MUC5AC: variants seen among roughly 807,000 people sequenced by gnomAD.
The protein encoded by MUC5AC is mucin-5AC.
In MUC5AC, 158 loss-of-function variants were observed where a neutral mutation model predicts 169.7. That is an observed-to-expected ratio of 0.93 (90% CI 0.82 to 1.06). The LOEUF (loss-of-function observed/expected upper bound fraction) is 1.06. Among genes scored for constraint, MUC5AC ranks in the 50% least tolerant of loss-of-function variants. The pLI, the probability that MUC5AC is intolerant of heterozygous loss-of-function variation, is 0.00. For synonymous variants in MUC5AC, 1,975 were observed against 1,237.0 expected, an observed-to-expected ratio of 1.60 and a Z score of -12.52; for missense variants, 4,359 against 3,089.9, an observed-to-expected ratio of 1.41 and a Z score of -9.74.
In MUC5AC at chr11:1,198,312, G is replaced by T; in HGVS notation, c.16173+7G>T. 1 of 749,000 alleles carries T rather than the reference G, an allele frequency of 1.3e-6. No individual in the cohort carries two copies. The highest frequency in any genetic ancestry group is 2.4e-6 in the Non-Finnish European group (1 of 410,490). 46.4% of individuals were successfully genotyped at this position (749,000 alleles called of 1,614,324 possible). Reference sequence around the variant, plus strand: ...CAACGGGACCCTGTACCAGGTAAGAGCCACGGAGCTCAGACCCCCTCAGCC... The same window carrying T: ...CAACGGGACCCTGTACCAGGTAAGATCCACGGAGCTCAGACCCCCTCAGCC... On this transcript the variant is annotated splice_region_variant and intron_variant, in intron 43 of 48. Transcript: ENST00000621226.
Position 1,201,021 on chromosome 11 carries a change from A to T in MUC5AC, c.*319A>T, listed in dbSNP as rs1861416403. ...TCAGGAATGACGCTTGGACATGGTG[A>T]TCAGCTGCCTGGTGGCTGCAGGAGG... On this transcript the variant is annotated 3_prime_UTR_variant, in exon 49 of 49. Transcript: ENST00000621226. The T allele has an allele frequency of 7.6e-6, 2 of 263,390 alleles. No individual in the cohort carries two copies. The highest frequency in any genetic ancestry group is 4.4e-5 in the African/African-American group (2 of 45,918). The allele number at this position is 263,390 out of a possible 1,614,324, so 16.3% of individuals were successfully genotyped here. A position where few individuals can be genotyped will look rare whatever the true frequency, so the allele number is the denominator to read the frequency against.
Position 1,192,142 on chromosome 11 carries a change from G to T in MUC5AC, c.13997G>T (p.Arg4666Leu). ...ATCAGGAGTGGGGAAAAAATCTGCC[G>T]CCGACCTGAGGAGATCACCAGGCTC... ...NIIRSGEKIC[R>L]RPEEITRLQC... is the part of the protein sequence containing the mutation. Residue 4666 changes from arginine to leucine, a missense_variant, in exon 31 of 49, where the codon CGC becomes CTC. By Grantham distance (102) the Arg-to-Leu change is moderately radical (BLOSUM62 -2). Transcript: ENST00000621226. The T allele has an allele frequency of 1.3e-6, 1 of 765,040 alleles. No homozygotes were observed. Among genetic ancestry groups the T allele is most frequent in the East Asian group, 2.4e-5 (1 of 41,254 alleles). The allele number at this position is 765,040 out of a possible 1,614,324, so 47.4% of individuals were successfully genotyped here. A position where few individuals can be genotyped will look rare whatever the true frequency, so the allele number is the denominator to read the frequency against.
At chr11:1,196,963 A>G (rs1861293725) in intron 40 of MUC5AC, 55 bp downstream of exon 40, 5 of 737,276 alleles carry the variant, frequency 6.8e-6, no homozygotes, top group Non-Finnish European at 1.2e-5. Context: ...CCGAGGAGGG[A>G]GGCTCTTGAA....
intron 32 of MUC5AC, 42 bp from the exon 33 acceptor site, chr11:1,193,443 A>T (rs1325427840): frequency 1.5e-6 from 1 of 683,996 alleles, no homozygotes; most frequent in South Asian, 1.5e-5. Flanking sequence ...TGCCCCGGAG[A>T]TCGGGAGAGG....
rs1386844980 is a variant in MUC5AC, at chr11:1,189,833, C to T, written c.11688C>T (p.Ser3896=). 4.8e-5 allele frequency: 36 copies of T among 755,608 alleles called. No individual in the cohort carries two copies. Among genetic ancestry groups the T allele is most frequent in the South Asian group, 1.4e-4 (10 of 73,554 alleles). The allele number at this position is 755,608 out of a possible 1,614,324, so 46.8% of individuals were successfully genotyped here. The change falls in exon 31 of 49, where the codon AGC becomes AGT. Residue 3896 remains serine (S), a synonymous_variant. Transcript: ENST00000621226. ...STTSPPTSST[S]STPQTSKTSA... ...CCTCTCCCCCTACAAGCAGCACAAG[C>T]TCCACTCCACAGACCAGCAAAACCT...
chr11:1,193,864 G>A (rs1429675131), intron 33 of MUC5AC, among the ~76,000 whole-genome samples: 3 of 152,238 alleles, frequency 2.0e-5, no homozygotes, highest in African/African-American at 2.4e-5. Context: ...TGTGAGCCTC[G>A]GAGCAGCCTG....
At chr11:1,158,582 G>C (rs946152865) in intron 1 of MUC5AC, among the ~76,000 whole-genome samples, 1 of 152,308 alleles carries the variant, frequency 6.6e-6, no homozygotes, top group Non-Finnish European at 1.5e-5. Flanking sequence ...CAAGGGAACT[G>C]TTTCACCCCC....
intron 5 of MUC5AC, 96 bp from the exon 6 acceptor site, chr11:1,162,859 G>T: frequency 7.8e-7 from 1 of 1,276,202 alleles, no homozygotes; most frequent in Non-Finnish European, 1.1e-6. Context: ...TGTCTCTTCC[G>T]TGGGCCTCGG....
rs368282942 is a variant in MUC5AC, at chr11:1,161,930, C to A, written c.235C>A (p.Arg79=). 3 of 1,611,856 alleles carry A rather than the reference C, an allele frequency of 1.9e-6. No individual in the cohort carries two copies. Among genetic ancestry groups the A allele is most frequent in the Non-Finnish European group, 2.5e-6 (3 of 1,179,570 alleles). ...VRASNPAHNG[R]VCSTWGSFHY... ...AGCCTCCAACCCGGCGCACAACGGG[C>A]GGGTGTGCAGCACCTGGGGCAGCTT... Residue 79 remains arginine (R), a synonymous_variant, in exon 4 of 49, where the codon CGG becomes AGG. Coordinates refer to ENST00000621226, the MANE Select transcript of MUC5AC (RefSeq NM_001304359.2).
Position 1,197,591 on chromosome 11 carries a change from G to C in MUC5AC, c.15985G>C (p.Val5329Leu). Residue 5329 changes from valine to leucine, a missense_variant, in exon 41 of 49, where the codon GTG becomes CTG. Physicochemically the swap from Val to Leu is conservative, Grantham distance 32. Coordinates refer to ENST00000621226, the MANE Select transcript of MUC5AC (RefSeq NM_001304359.2). Reference protein sequence around the residue: ...PACPLPGFVPVPAAPQAGQCC... With the variant: ...PACPLPGFVPLPAAPQAGQCC... The stretch of plus-strand genomic sequence containing the variant: ...CTGCCCCCTGCCCGGCTTCGTGCCT[G>C]TGCCTGCAGCCCCACAGGCCGGCCA... 1.4e-6 allele frequency: 1 copy of C among 726,222 alleles called. No individual in the cohort carries two copies. Among genetic ancestry groups the C allele is most frequent in the Non-Finnish European group, 2.5e-6 (1 of 399,354 alleles). The allele number at this position is 726,222 out of a possible 1,614,324, so 45.0% of individuals were successfully genotyped here. A position where few individuals can be genotyped will look rare whatever the true frequency, so the allele number is the denominator to read the frequency against.
intron 2 of MUC5AC, among the ~76,000 whole-genome samples, chr11:1,161,230 C>T (rs1860131670): frequency 2.6e-5 from 4 of 152,212 alleles, no homozygotes; most frequent in Admixed American, 2.0e-4. Flanking sequence ...TCTTGAGCCG[C>T]TGATGCAGAC....
At position 1,192,530 on chromosome 11, in the gene MUC5AC, G is replaced by A. The variant is rs760143958; in HGVS notation, c.14380+5G>A. 32 of 763,570 alleles carry A rather than the reference G, an allele frequency of 4.2e-5. No individual in the cohort carries two copies. Among genetic ancestry groups the A allele is most frequent in the South Asian group, 3.6e-4 (27 of 74,582 alleles). 47.3% of individuals were successfully genotyped at this position (763,570 alleles called of 1,614,324 possible). On this transcript the variant is annotated splice_donor_5th_base_variant and intron_variant, in intron 31 of 48. Coordinates refer to ENST00000621226, the MANE Select transcript of MUC5AC (RefSeq NM_001304359.2). ...CTGACCGGCTCTACCCTGCAGGTTC[G>A]TGAGTGTTTCTGGTGCAATTGTTTC... is the stretch of plus-strand genomic sequence containing the variant.
At position 1,188,753 on chromosome 11, in the gene MUC5AC, C is replaced by A; in HGVS notation, c.10608C>A (p.Ser3536=). 2.6e-6 allele frequency: 2 copies of A among 760,002 alleles called. No individual in the cohort carries two copies. The highest frequency in any genetic ancestry group is 4.8e-6 in the Non-Finnish European group (2 of 414,758). 47.1% of individuals were successfully genotyped at this position (760,002 alleles called of 1,614,324 possible). The change falls in exon 31 of 49, where the codon TCC becomes TCA. Residue 3536 remains serine, a synonymous_variant. Coordinates refer to ENST00000621226, the MANE Select transcript of MUC5AC (RefSeq NM_001304359.2). ...AATGGTTTGATGTGGACTTTCCATC[C>A]CCTGGACCCCACGGTGGGGACAAGG... ...WTKWFDVDFP[S]PGPHGGDKET...
chr11:1,164,219 C>T lies in MUC5AC; in HGVS notation c.903C>T (p.Thr301=), dbSNP rs759599383. ...CRQDLCFCED[T]DLLSCVCHTL... Reference sequence around the variant, plus strand: ...AAGACCTCTGCTTCTGTGAAGACACCGACCTGCTCAGCTGCGTCTGCCACA... The same window carrying T: ...AAGACCTCTGCTTCTGTGAAGACACTGACCTGCTCAGCTGCGTCTGCCACA... Residue 301 remains threonine (T), a synonymous_variant, in exon 8 of 49, where the codon ACC becomes ACT. Coordinates refer to ENST00000621226, the MANE Select transcript of MUC5AC (RefSeq NM_001304359.2). 19 of 1,612,522 alleles carry T rather than the reference C, an allele frequency of 1.2e-5. 1 individual carries two copies. The highest frequency in any genetic ancestry group is 1.6e-4 in the Middle Eastern group (1 of 6,084).
chr11:1,164,275 A>T lies in MUC5AC; in HGVS notation c.959A>T (p.His320Leu), dbSNP rs1289416898. ...GCCGAGTACTCCCGGCAGTGCACCC[A>T]TGCAGGGGGGTTGCCCCAGGACTGG... Reference protein sequence around the residue: ...TLAEYSRQCTHAGGLPQDWRG... With the variant: ...TLAEYSRQCTLAGGLPQDWRG... Residue 320 changes from histidine to leucine, a missense_variant, in exon 8 of 49, where the codon CAT becomes CTT. By Grantham distance (99) the His-to-Leu change is moderately conservative (BLOSUM62 -3). Coordinates refer to ENST00000621226, the MANE Select transcript of MUC5AC (RefSeq NM_001304359.2). The T allele has an allele frequency of 6.2e-7, 1 of 1,612,564 alleles. No individual in the cohort carries two copies. Among genetic ancestry groups the T allele is most frequent in the Non-Finnish European group, 8.5e-7 (1 of 1,179,852 alleles).
chr11:1,188,759 A>G lies in MUC5AC; in HGVS notation c.10614A>G (p.Gly3538=), dbSNP rs1242987225. ...TTGATGTGGACTTTCCATCCCCTGGACCCCACGGTGGGGACAAGGAAACCT... is the reference window on the plus strand; with the variant it reads ...TTGATGTGGACTTTCCATCCCCTGGGCCCCACGGTGGGGACAAGGAAACCT... ...KWFDVDFPSP[G]PHGGDKETYN... The change falls in exon 31 of 49, where the codon GGA becomes GGG. Residue 3538 remains glycine, a synonymous_variant. Transcript: ENST00000621226. 2.6e-6 allele frequency: 2 copies of G among 758,782 alleles called. No individual in the cohort carries two copies. Among genetic ancestry groups the G allele is most frequent in the African/African-American group, 3.4e-5 (2 of 58,842 alleles). 47.0% of individuals were successfully genotyped at this position (758,782 alleles called of 1,614,324 possible).
chr11:1,162,975 C>T lies in MUC5AC; in HGVS notation c.609C>T (p.Tyr203=), dbSNP rs371327298. 202 of 1,612,694 alleles carry T rather than the reference C, an allele frequency of 1.3e-4. No individual in the cohort carries two copies. In the Middle Eastern group the frequency reaches 4.1e-3, roughly 33 times the overall value. The part of the protein sequence containing the change: ...DSLLLELDTK[Y]ANKTCGLCGD... Reference sequence around the variant, plus strand: ...TGCAGCTGGAGCTGGACACCAAATACGCCAACAAGACCTGTGGGCTCTGTG... The same window carrying T: ...TGCAGCTGGAGCTGGACACCAAATATGCCAACAAGACCTGTGGGCTCTGTG... The change falls in exon 6 of 49, where the codon TAC becomes TAT. Residue 203 remains tyrosine, a synonymous_variant. Transcript: ENST00000621226.
Position 1,187,271 on chromosome 11 carries a change from C to T in MUC5AC, c.9126C>T (p.Ser3042=), listed in dbSNP as rs1860975742. The T allele has an allele frequency of 1.7e-5, 12 of 696,898 alleles. No homozygotes were observed. The South Asian group carries it at 1.8e-4, about 10-fold the overall frequency. The allele number at this position is 696,898 out of a possible 1,614,324, so 43.2% of individuals were successfully genotyped here. ...PTTSTTSTPT[S]STTSSPQTST... is the part of the protein sequence containing the mutation. Reference sequence around the variant, plus strand: ...CCAGCACAACCTCTACCCCTACAAGCAGCACAACCTCCTCTCCACAGACCA... The same window carrying T: ...CCAGCACAACCTCTACCCCTACAAGTAGCACAACCTCCTCTCCACAGACCA... Residue 3042 remains serine, a synonymous_variant, in exon 31 of 49, where the codon AGC becomes AGT. Coordinates refer to ENST00000621226, the MANE Select transcript of MUC5AC (RefSeq NM_001304359.2).
intron 1 of MUC5AC, among the ~76,000 whole-genome samples, chr11:1,158,983 A>C (rs1165991013): frequency 6.6e-6 from 1 of 152,214 alleles, no homozygotes; most frequent in Non-Finnish European, 1.5e-5. Context: ...TCATCTCAGA[A>C]GCAGGAATTC....
Sources: gnomAD v4.1 joint callset for allele counts (sites outside exome capture counted in the v4.1 genomes callset) on GRCh38, gnomAD v4.1.1 for gene constraint, MANE v1.5 for transcripts, NCBI Gene and HGNC (gene_info 2026-07-23, HGNC 2026-07-21) for gene names.